SLC2A9: variants seen among roughly 807,000 people sequenced by gnomAD.
The protein encoded by SLC2A9 is solute carrier family 2 member 9.
Under a neutral mutation model 50.6 loss-of-function variants are expected in SLC2A9, and 39 were observed. That is an observed-to-expected ratio of 0.77 (90% CI 0.60 to 1.01). The LOEUF is 1.01. Among genes scored for constraint, SLC2A9 ranks in the 50% least tolerant of loss-of-function variants. The pLI, the probability that SLC2A9 is intolerant of heterozygous loss-of-function variation, is 0.00. For synonymous variants in SLC2A9, 324 were observed against 276.9 expected (o/e 1.17, Z -1.69); for missense variants, 686 against 677.6 (o/e 1.01, Z -0.14).
intron 10 of SLC2A9, among the ~76,000 whole-genome samples, chr4:9,860,210 T>C (rs1203535595): frequency 6.6e-6 from 1 of 152,138 alleles, no homozygotes; most frequent in African/African-American, 2.4e-5. Context: ...GAAAAATGAC[T>C]CAACTTTTTC....
intron 3 of SLC2A9, chr4:9,782,704 C>T (rs531122680): frequency 1.9e-5 from 30 of 1,614,034 alleles, no homozygotes; most frequent in Non-Finnish European, 2.4e-5. Flanking sequence ...ATCGAACCTA[C>T]GCCATCTCTT....
chr4:9,884,902 A>C (rs1280266864), intron 10 of SLC2A9, among the ~76,000 whole-genome samples: 1 of 152,198 alleles, frequency 6.6e-6, no homozygotes, highest in African/African-American at 2.4e-5. Flanking sequence ...CATTATCCTC[A>C]GCAAACTAAC....
intron 6 of SLC2A9, among the ~76,000 whole-genome samples, chr4:9,922,324 G>A (rs370736539): frequency 1.3e-4 from 19 of 151,950 alleles, no homozygotes; most frequent in Admixed American, 3.9e-4. Context: ...ATTGGGGGGT[G>A]GGGTGGGGGG....
chr4:9,834,793 G>A (rs911218365), intron 11 of SLC2A9, 88 bp downstream of exon 11: 46 of 1,578,698 alleles, frequency 2.9e-5, no homozygotes, highest in African/African-American at 2.3e-4. Flanking sequence ...TGAGAGGAGA[G>A]AGATCAACTT....
chr4:9,907,478 G>A (rs1740896863), intron 8 of SLC2A9, among the ~76,000 whole-genome samples: 1 of 152,304 alleles, frequency 6.6e-6, no homozygotes, highest in Non-Finnish European at 1.5e-5. Flanking sequence ...GCCTTCTTTT[G>A]AACATATTGG....
chr4:10,027,039 G>T (rs182141141), intron 1 of SLC2A9, among the ~76,000 whole-genome samples: 37 of 151,306 alleles, frequency 2.4e-4, no homozygotes, highest in Non-Finnish European at 4.0e-4. Context: ...GTGAAACTCT[G>T]TCTCAAAAAA....
At chr4:9,834,713 G>T (rs959421027) in intron 11 of SLC2A9, among the ~76,000 whole-genome samples, 168 bp downstream of exon 11, 2 of 152,226 alleles carry the variant, frequency 1.3e-5, no homozygotes, top group Admixed American at 6.5e-5. Context: ...ACAGGAAAGA[G>T]AAAGGGATGA....
At chr4:9,904,281 C>A (rs1280893213) in intron 8 of SLC2A9, among the ~76,000 whole-genome samples, 1 of 152,150 alleles carries the variant, frequency 6.6e-6, no homozygotes, top group Non-Finnish European at 1.5e-5. Flanking sequence ...AGGGCTGGTT[C>A]CTTCTGGAGG....
intron 7 of SLC2A9, among the ~76,000 whole-genome samples, chr4:9,918,848 T>C (rs915287380): frequency 2.0e-5 from 3 of 152,206 alleles, no homozygotes; most frequent in East Asian, 1.9e-4. Flanking sequence ...GACTTAAAGA[T>C]TGAAGATCAT....
rs189107997 is a variant in SLC2A9, at chr4:10,016,061, A to C, written c.249+2914T>G. On this transcript the variant is annotated intron_variant, in intron 2 of 11. Transcript: ENST00000264784. ...CGGGGTGCTTGCTCTGGGCTCCTCT[A>C]AAGTATGCATGACGAGCCGTGGTCT... is the stretch of plus-strand genomic sequence containing the variant. Among the ~76,000 whole-genome samples, 13 of 152,322 alleles carry C rather than the reference A, an allele frequency of 8.5e-5. No homozygotes were observed. The East Asian group carries it at 2.5e-3, about 29-fold the overall frequency.
chr4:9,920,581 A>G lies in SLC2A9; in HGVS notation c.815-9T>C. 1 of 1,614,108 alleles carries G rather than the reference A, an allele frequency of 6.2e-7. No homozygotes were observed. The highest frequency in any genetic ancestry group is 8.5e-7 in the Non-Finnish European group (1 of 1,180,034). ...CAAGAACGTTTGGAAGGCTGCAAAC[A>G]GAGGCACACATGGACTTTCAGCAGG... On this transcript the variant is annotated splice_polypyrimidine_tract_variant and intron_variant, in intron 6 of 11. Coordinates refer to ENST00000264784, the MANE Select transcript of SLC2A9 (RefSeq NM_020041.3).
intron 4 of SLC2A9, among the ~76,000 whole-genome samples, chr4:9,981,150 A>G (rs1388323225): frequency 4.5e-5 from 3 of 66,460 alleles, no homozygotes; most frequent in African/African-American, 1.2e-4. Context: ...GGTGACGGTG[A>G]TGATGGTGGT....
At chr4:9,810,707 G>C (rs1008013147) in intron 3 of SLC2A9, among the ~76,000 whole-genome samples, 16 of 152,358 alleles carry the variant, frequency 1.1e-4, no homozygotes, top group Middle Eastern at 3.4e-3. Context: ...ATGAGAAAAA[G>C]GCACATGGGT....
intron 6 of SLC2A9, among the ~76,000 whole-genome samples, chr4:9,932,005 G>T (rs1746231681): frequency 1.7e-5 from 1 of 60,424 alleles, no homozygotes; most frequent in African/African-American, 7.7e-5. Context: ...TATATGCCTT[G>T]CCTGACTTGG....
intron 10 of SLC2A9, among the ~76,000 whole-genome samples, chr4:9,839,187 A>G (rs1305434790): frequency 6.6e-6 from 1 of 152,194 alleles, no homozygotes; most frequent in African/African-American, 2.4e-5. Flanking sequence ...GGACATGAAC[A>G]CTTTTCAAAA....
chr4:9,801,205 A>G (rs979065181), intron 3 of SLC2A9, among the ~76,000 whole-genome samples: 10 of 151,986 alleles, frequency 6.6e-5, no homozygotes, highest in Non-Finnish European at 1.2e-4. Flanking sequence ...CAGGTGAGCA[A>G]AGCTATCCTA....
At chr4:9,829,471 C>CAAAAA (rs33935471) in intron 11 of SLC2A9, among the ~76,000 whole-genome samples, 48 of 135,914 alleles carry the variant, frequency 3.5e-4, no homozygotes, top group African/African-American at 1.2e-3. Context: ...ACAAAAATGT[C>CAAAAA]AAAAAAAAAA....
chr4:9,951,107 A>G (rs1209997675), intron 5 of SLC2A9, among the ~76,000 whole-genome samples: 1 of 152,228 alleles, frequency 6.6e-6, no homozygotes, highest in African/African-American at 2.4e-5. Context: ...CCATCAATGG[A>G]TGAATAAAGA....
At chr4:9,817,309 T>C (rs1213481951) in intron 3 of SLC2A9, among the ~76,000 whole-genome samples, 2 of 152,246 alleles carry the variant, frequency 1.3e-5, no homozygotes, top group African/African-American at 4.8e-5. Flanking sequence ...GGGGCCATGA[T>C]GCTGCCTGAT....
Sources: allele counts gnomAD v4.1 joint callset (sites outside exome capture counted in the v4.1 genomes callset), GRCh38; gene constraint gnomAD v4.1.1; transcripts MANE v1.5; gene names NCBI Gene and HGNC (gene_info 2026-07-23, HGNC 2026-07-21).